The following MYH7 variants were observed in gnomAD, a reference collection of about 807,000 sequenced individuals.
The protein encoded by MYH7 is myosin-7.
In MYH7, 129 loss-of-function variants were observed where a neutral mutation model predicts 225.4. The ratio of observed to expected loss-of-function variants is 0.57; its 90% CI spans 0.50 to 0.66. The LOEUF is 0.66. Ranked by LOEUF, MYH7 falls within the 30% of genes least tolerant of loss-of-function variation. MYH7 has a pLI of 0.00. For missense variants in MYH7, 1,649 were observed against 2,517.0 expected, an observed-to-expected ratio of 0.66 and a Z score of 7.38; for synonymous variants, 971 against 1,007.6, an observed-to-expected ratio of 0.96 and a Z score of 0.69.
At position 23,423,659 on chromosome 14, in the gene MYH7, T is replaced by C. The variant is rs1437574157; in HGVS notation, c.2987A>G (p.Lys996Arg). The C allele has an allele frequency of 6.2e-7, 1 of 1,614,038 alleles. No homozygotes were observed. Among genetic ancestry groups the C allele is most frequent in the Non-Finnish European group, 8.5e-7 (1 of 1,180,030 alleles). The change falls in exon 24 of 40, where the codon AAG becomes AGG. Residue 996 changes from lysine (K) to arginine (R), a missense_variant. Coordinates refer to ENST00000355349, the MANE Select transcript of MYH7 (RefSeq NM_000257.4). ...DEIIAKLTKE[K>R]KALQEAHQQA... is the part of the protein sequence containing the mutation. ...TTGGTGGGCCTCTTGCAGAGCTTTC[T>C]TCTCCTTGGTCAGCTTGGCAATGAT...
rs45490796 is a variant in MYH7, at chr14:23,428,711, TG to T, written c.1408-42del. On this transcript the variant is annotated intron_variant, in intron 14 of 39. Transcript: ENST00000355349. Reference sequence around the variant, plus strand: ...GGGGTGGGAGCAGTCAGAAAGTGGGTGTGAGTGGCCATTGGGGCTGTGCCCG... The same window carrying T: ...GGGGTGGGAGCAGTCAGAAAGTGGGTTGAGTGGCCATTGGGGCTGTGCCCG... 2.5e-3 allele frequency: 4,058 copies of T among 1,613,416 alleles called. 90 individuals carry two copies. In the African/African-American group the frequency reaches 0.046, roughly 18 times the overall value.
chr14:23,427,550 G>C (rs113617870), intron 16 of MYH7, 35 bp downstream of exon 16: 2 of 1,611,354 alleles, frequency 1.2e-6, no homozygotes, highest in Non-Finnish European at 1.7e-6. Flanking sequence ...CAGAATCCCT[G>C]CTCCTCTGTA....
At position 23,416,240 on chromosome 14, in the gene MYH7, C is replaced by T. The variant is rs750987717; in HGVS notation, c.4717G>A (p.Glu1573Lys). ...TCGTCCTTCTCTGCCAGCTTCCGCTCGATCTCTGCCTTGATCTGGTTGAAC... is the reference window on the plus strand; with the variant it reads ...TCGTCCTTCTCTGCCAGCTTCCGCTTGATCTCTGCCTTGATCTGGTTGAAC... Reference protein sequence around the residue: ...LEFNQIKAEIERKLAEKDEEM... With the variant: ...LEFNQIKAEIKRKLAEKDEEM... Residue 1573 changes from glutamate to lysine, a missense_variant, in exon 34 of 40, where the codon GAG (glutamate) becomes AAG (lysine). Around this residue, in one of 12 missense-constraint regions of MYH7, gnomAD observed 687 missense variants for 913.8 expected, o/e 0.75. Transcript: ENST00000355349. The T allele has an allele frequency of 5.4e-5, 87 of 1,613,820 alleles. No individual in the cohort carries two copies. The highest frequency in any genetic ancestry group is 6.7e-5 in the Non-Finnish European group (79 of 1,179,956).
chr14:23,434,299 C>A, intron 1 of MYH7, 50 bp from the exon 2 acceptor site: 6 of 990,532 alleles, frequency 6.1e-6, no homozygotes, highest in Non-Finnish European at 7.2e-6. Context: ...CCAACCTGAC[C>A]AGTCCCACCT....
intron 14 of MYH7, 23 bp downstream of exon 14, chr14:23,428,932 C>T (rs369426039): frequency 2.3e-5 from 37 of 1,614,132 alleles, no homozygotes; most frequent in Non-Finnish European, 3.1e-5. Context: ...ATTGTTCTCC[C>T]ACTCCCAGGG....
In MYH7 at chr14:23,422,160, GC is replaced by G; in HGVS notation, c.3245+19del. ...TATGGGCTGGGGAGGAGGAAGGGCA[GC>G]AGGGAGGGGACACAGTACTTTTTCA... is the stretch of plus-strand genomic sequence containing the variant. On this transcript the variant is annotated intron_variant, in intron 25 of 39. Transcript: ENST00000355349. The G allele has an allele frequency of 6.2e-7, 1 of 1,612,288 alleles. No homozygotes were observed. The highest frequency in any genetic ancestry group is 8.5e-7 in the Non-Finnish European group (1 of 1,180,016).
intron 18 of MYH7, among the ~76,000 whole-genome samples, chr14:23,426,378 A>G (rs947219900): frequency 6.6e-6 from 1 of 152,230 alleles, no homozygotes; most frequent in Non-Finnish European, 1.5e-5. Context: ...CTGATCAAGA[A>G]CAGAGCCAGG....
intron 33 of MYH7, 47 bp downstream of exon 33, chr14:23,416,821 G>T (rs2854802): frequency 6.2e-7 from 1 of 1,613,166 alleles, no homozygotes; most frequent in Non-Finnish European, 8.5e-7. Flanking sequence ...GGGACCAAAA[G>T]CCTGGAGCTC....
At chr14:23,429,736 A>G (rs1196714635) in intron 12 of MYH7, 39 bp downstream of exon 12, 4 of 1,608,928 alleles carry the variant, frequency 2.5e-6, no homozygotes, top group African/African-American at 1.3e-5. Flanking sequence ...ATGGCCCTCC[A>G]TGACTTGACA....
rs786205356 is a variant in MYH7 at position 23,429,061 on chromosome 14, C to T, written c.1301G>A (p.Arg434Lys). 3.7e-6 allele frequency: 6 copies of T among 1,614,064 alleles called. No individual in the cohort carries two copies. The highest frequency in any genetic ancestry group is 2.7e-5 in the African/African-American group (2 of 74,938). Residue 434 changes from arginine to lysine, a missense_variant, in exon 14 of 40, where the codon AGG becomes AAG. Physicochemically the swap from Arg to Lys is conservative, Grantham distance 26 (BLOSUM62 2). This residue lies in a region of MYH7 where 76 missense variants were observed against 233.8 expected (regional missense o/e 0.33). Coordinates refer to ENST00000355349, the MANE Select transcript of MYH7 (RefSeq NM_000257.4). ...TGALAKAVYE[R>K]MFNWMVTRIN... is the part of the protein sequence containing the mutation. Reference sequence around the variant, plus strand: ...GCGCGTCACCATCCAGTTGAACATCCTCTCATACACTGCCTTGGCCAGTGC... The same window carrying T: ...GCGCGTCACCATCCAGTTGAACATCTTCTCATACACTGCCTTGGCCAGTGC...
rs3729827 is a variant in MYH7 at position 23,416,811 on chromosome 14, G to C, written c.4644+57C>G. On this transcript the variant is annotated intron_variant, in intron 33 of 39. Transcript: ENST00000355349. ...ACGGACAAAGCGGGGGATGAGAACA[G>C]GGACCAAAAGCCTGGAGCTCAGCTC... 7,678 of 1,612,320 alleles carry C rather than the reference G, an allele frequency of 4.8e-3. 352 individuals are homozygous for C. In the African/African-American group the frequency reaches 0.092, roughly 19 times the overall value.
At chr14:23,419,717 G>C (rs1595077882) in intron 27 of MYH7, 108 bp from the exon 28 acceptor site, 2 of 1,611,764 alleles carry the variant, frequency 1.2e-6, no homozygotes, top group East Asian at 2.2e-5. Flanking sequence ...TGAAAAGAAG[G>C]AGGGGATCTG....
chr14:23,415,160 G>A lies in MYH7; in HGVS notation c.5394C>T (p.Asp1798=), dbSNP rs777053791. 4.4e-5 allele frequency: 71 copies of A among 1,614,080 alleles called. No homozygotes were observed. The South Asian group carries it at 4.8e-4, about 11-fold the overall frequency. Residue 1798 remains aspartate (D), a synonymous_variant, in exon 37 of 40, where the codon GAC becomes GAT. Coordinates refer to ENST00000355349, the MANE Select transcript of MYH7 (RefSeq NM_000257.4). The surrounding 1 kb of genome is among the most constrained non-coding windows in gnomAD (Gnocchi z 6.3). ...QTIKDLQHRL[D]EAEQIALKGG... is the part of the protein sequence containing the mutation. The stretch of plus-strand genomic sequence containing the variant: ...CCTTGAGGGCGATCTGCTCGGCTTC[G>A]TCCAGCCGGTGCTGCAGGTCCTTAA...
intron 24 of MYH7, among the ~76,000 whole-genome samples, chr14:23,422,851 G>T (rs980493955): frequency 3.9e-5 from 6 of 152,152 alleles, no homozygotes; most frequent in Non-Finnish European, 7.4e-5. Context: ...GGATGGTCTC[G>T]ATCTCTTGAC....
At chr14:23,429,966 A>C in intron 11 of MYH7, 53 bp from the exon 12 acceptor site, 6 of 1,606,132 alleles carry the variant, frequency 3.7e-6, no homozygotes, top group Non-Finnish European at 5.1e-6. Flanking sequence ...ATGATGGGTA[A>C]GTGAGATCCC....
Position 23,423,641 on chromosome 14 carries a change from G to A in MYH7, c.3005C>T (p.Ala1002Val), listed in dbSNP as rs569520562. 1.2e-6 allele frequency: 2 copies of A among 1,614,086 alleles called. No individual in the cohort carries two copies. The highest frequency in any genetic ancestry group is 2.2e-5 in the South Asian group (2 of 91,078). Residue 1002 changes from alanine to valine, a missense_variant, in exon 24 of 40, where the codon GCC (alanine) becomes GTC (valine). By Grantham distance (64) the Ala-to-Val change is moderately conservative (BLOSUM62 0). This residue lies in a region of MYH7 where 282 missense variants were observed against 315.3 expected (regional missense o/e 0.89). Transcript: ENST00000355349. ...LTKEKKALQE[A>V]HQQALDDLQA... ...AAGGTCATCCAGAGCCTGTTGGTGG[G>A]CCTCTTGCAGAGCTTTCTTCTCCTT...
rs202026847 is a variant in MYH7 at position 23,416,142 on chromosome 14, T to A, written c.4815A>T (p.Thr1605=). 6 of 1,614,184 alleles carry A rather than the reference T, an allele frequency of 3.7e-6. No homozygotes were observed. Among genetic ancestry groups the A allele is most frequent in the Non-Finnish European group, 5.1e-6 (6 of 1,180,036 alleles). The stretch of plus-strand genomic sequence containing the variant: ...CCCTCAGGGCCTCGTTGCGGCTGCG[T>A]GTCTCTGCGTCCAGGGAGGTCTGCA... ...DSLQTSLDAE[T]RSRNEALRVK... The change falls in exon 34 of 40, where the codon ACA becomes ACT. Residue 1605 remains threonine, a synonymous_variant. Coordinates refer to ENST00000355349, the MANE Select transcript of MYH7 (RefSeq NM_000257.4).
At chr14:23,426,681 A>G in intron 18 of MYH7, 96 bp downstream of exon 18, 1 of 1,180,650 alleles carries the variant, frequency 8.5e-7, no homozygotes, top group Non-Finnish European at 1.3e-6. Flanking sequence ...GTGGTTTGGA[A>G]ACCACTGTGG....
intron 25 of MYH7, 32 bp from the exon 26 acceptor site, chr14:23,421,080 A>C: frequency 6.4e-7 from 1 of 1,562,756 alleles, no homozygotes; most frequent in Non-Finnish European, 8.8e-7. Flanking sequence ...GAGGTAAGGG[A>C]GACTCGTGGG....
Sources: gnomAD v4.1 joint callset for allele counts (sites outside exome capture counted in the v4.1 genomes callset) on GRCh38, gnomAD v4.1.1 for gene constraint, gnomAD v4.1.1 regional missense constraint, Gnocchi (gnomAD v3.1) non-coding constraint, MANE v1.5 for transcripts, NCBI Gene and HGNC (gene_info 2026-07-23, HGNC 2026-07-21) for gene names.